The following UBE3A variants were observed in gnomAD, a reference collection of about 807,000 sequenced individuals.
UBE3A encodes ubiquitin protein ligase E3A, also known as ubiquitin-protein ligase E3A.
UBE3A carries 6 observed loss-of-function variants against 83.4 expected under a neutral mutation model. That is an observed-to-expected ratio of 0.07 (90% CI 0.04 to 0.14). UBE3A has a LOEUF of 0.14. UBE3A is among the 10% of genes least tolerant of loss of function. UBE3A has a pLI of 1.00. For synonymous variants in UBE3A, 337 were observed against 355.4 expected (o/e 0.95, Z 0.58); for missense variants, 456 against 1,036.1 (o/e 0.44, Z 7.69).
At position 25,334,880 on chromosome 15, in the gene UBE3A, G is replaced by A. The variant is rs1042909572; in HGVS notation, c.*4257C>T. On this transcript the variant is annotated 3_prime_UTR_variant, in exon 13 of 13. Transcript: ENST00000648336. ...CTTATGCAAAAAATGGATGAAATAG[G>A]AAACTTCACTACATTCTACTGCATG... The A allele has an allele frequency of 6.6e-6, 1 of 152,120 alleles. No homozygotes were observed. The highest frequency in any genetic ancestry group is 6.6e-5 in the Admixed American group (1 of 15,266). 9.4% of individuals were successfully genotyped at this position (152,120 alleles called of 1,614,324 possible).
In UBE3A at chr15:25,379,710, C is replaced by T. The variant is rs577733676; in HGVS notation, c.63-3947G>A. 6.6e-5 allele frequency among the ~76,000 whole-genome samples: 10 copies of T among 152,200 alleles called. No homozygotes were observed. The South Asian group carries it at 1.7e-3, about 25-fold the overall frequency. On this transcript the variant is annotated intron_variant, in intron 4 of 12. Transcript: ENST00000648336. ...TAACGACTTTTTGGTATAGTTCCTG[C>T]GCAAGGGAAATCCTTGTACCATATG...
In UBE3A at chr15:25,438,483, A is replaced by G. The variant is rs1372094351; in HGVS notation, c.-165+6T>C. On this transcript the variant is annotated splice_donor_region_variant and intron_variant, in intron 1 of 12. Transcript: ENST00000648336. ...GCCGCCTGGCGCAGGCCGCGGCAAC[A>G]CTGACCTGTCGTCGCCCCCGCGCCT... 6.6e-6 allele frequency: 1 copy of G among 152,150 alleles called. No individual in the cohort carries two copies. The highest frequency in any genetic ancestry group is 1.5e-5 in the Non-Finnish European group (1 of 68,048). 9.4% of individuals were successfully genotyped at this position (152,150 alleles called of 1,614,324 possible).
intron 1 of UBE3A, among the ~76,000 whole-genome samples, chr15:25,426,156 C>T (rs7496951): frequency 6.6e-6 from 1 of 152,032 alleles, no homozygotes; most frequent in African/African-American, 2.4e-5. Flanking sequence ...TGTTTTATTA[C>T]ATGACTTACC....
At chr15:25,361,004 C>A (rs1348118283) in intron 6 of UBE3A, among the ~76,000 whole-genome samples, 2 of 151,986 alleles carry the variant, frequency 1.3e-5, no homozygotes, top group African/African-American at 4.8e-5. Context: ...AATACTAAAG[C>A]AGTTTATGGT....
chr15:25,412,893 C>T (rs2090243463), intron 1 of UBE3A: 1 of 294,266 alleles, frequency 3.4e-6, no homozygotes, highest in East Asian at 1.1e-4. Flanking sequence ...TACTTGGGCT[C>T]TACTCGCAAA....
At chr15:25,367,496 G>GT (rs1000932539) in intron 6 of UBE3A, among the ~76,000 whole-genome samples, 3 of 152,036 alleles carry the variant, frequency 2.0e-5, no homozygotes, top group Non-Finnish European at 4.4e-5. Context: ...AACTATGGCA[G>GT]TAAGTTAAAC....
chr15:25,436,417 T>C (rs927259859), intron 1 of UBE3A, among the ~76,000 whole-genome samples: 4 of 152,134 alleles, frequency 2.6e-5, no homozygotes, highest in South Asian at 2.1e-4. Flanking sequence ...TTTAAGAAAA[T>C]GGACATTTGG....
intron 1 of UBE3A, among the ~76,000 whole-genome samples, chr15:25,429,259 G>A (rs541934411): frequency 3.9e-5 from 6 of 152,094 alleles, no homozygotes; most frequent in African/African-American, 9.6e-5. Flanking sequence ...GTGTAGAGAC[G>A]GGTAACAGGA....
At chr15:25,360,319 A>G in intron 7 of UBE3A, 64 bp downstream of exon 7, 3 of 1,602,896 alleles carry the variant, frequency 1.9e-6, no homozygotes, top group Non-Finnish European at 2.6e-6. Flanking sequence ...TTACAAAGTA[A>G]GATAAACAAA....
At chr15:25,386,759 T>C (rs561739563) in intron 4 of UBE3A, among the ~76,000 whole-genome samples, 13 of 151,854 alleles carry the variant, frequency 8.6e-5, no homozygotes, top group African/African-American at 3.1e-4. Flanking sequence ...AAAAAATACA[T>C]GTGACTTCCA....
intron 3 of UBE3A, among the ~76,000 whole-genome samples, chr15:25,406,562 TA>T: frequency 6.6e-6 from 1 of 152,024 alleles, no homozygotes; most frequent in Non-Finnish European, 1.5e-5. Flanking sequence ...CCAAACTAGA[TA>T]AAAAATGTTT....
intron 2 of UBE3A, among the ~76,000 whole-genome samples, chr15:25,410,168 C>T (rs1280544813): frequency 6.6e-6 from 1 of 152,120 alleles, no homozygotes; most frequent in East Asian, 1.9e-4. Context: ...TCAGTCAAAA[C>T]CCCTTAAGTA....
intron 6 of UBE3A, among the ~76,000 whole-genome samples, chr15:25,365,454 A>C (rs2078926104): frequency 6.6e-6 from 1 of 152,180 alleles, no homozygotes; most frequent in Admixed American, 6.5e-5. Context: ...TTTCTAAGAA[A>C]GGCTAGCTTC....
chr15:25,436,768 A>G (rs930071328), intron 1 of UBE3A, among the ~76,000 whole-genome samples: 38 of 152,178 alleles, frequency 2.5e-4, no homozygotes, highest in Admixed American at 2.0e-4. Flanking sequence ...TGGGAAAAAA[A>G]AGGGCAGAAT....
chr15:25,403,604 TCTGGG>T (rs1327580545), intron 4 of UBE3A, among the ~76,000 whole-genome samples: 2 of 152,110 alleles, frequency 1.3e-5, no homozygotes, highest in Non-Finnish European at 2.9e-5. Context: ...CAATTCCACT[TCTGGG>T]AAAACAATTC....
chr15:25,406,856 G>GGAAAAAAAAAAAAAAAAA (rs2088706262), intron 3 of UBE3A, among the ~76,000 whole-genome samples: 1 of 114,684 alleles, frequency 8.7e-6, no homozygotes. Flanking sequence ...AATGGAAAAG[G>GGAAAAAAAAAAAAAAAAA]AAAAAAAAAA....
intron 1 of UBE3A, among the ~76,000 whole-genome samples, chr15:25,413,291 TA>T (rs2090326036): frequency 6.6e-6 from 1 of 152,190 alleles, no homozygotes; most frequent in Non-Finnish European, 1.5e-5. Context: ...TCTACCTCCC[TA>T]AAATTTTCAT....
chr15:25,398,130 T>G (rs1366531853), intron 4 of UBE3A, among the ~76,000 whole-genome samples: 1 of 119,906 alleles, frequency 8.3e-6, no homozygotes, highest in African/African-American at 3.4e-5. Flanking sequence ...ATCATGCTAC[T>G]ACACTCCAGC....
chr15:25,404,404 C>T (rs1265934640), intron 4 of UBE3A, among the ~76,000 whole-genome samples: 2 of 152,064 alleles, frequency 1.3e-5, no homozygotes, highest in Non-Finnish European at 1.5e-5. Context: ...AGAGATACAC[C>T]TGTATTTTTC....
Sources: gnomAD v4.1 joint callset for allele counts (sites outside exome capture counted in the v4.1 genomes callset) on GRCh38, gnomAD v4.1.1 for gene constraint, MANE v1.5 for transcripts, NCBI Gene and HGNC (gene_info 2026-07-23, HGNC 2026-07-21) for gene names.